Variants in NTM observed in about 807,000 individuals in gnomAD.
NTM encodes neurotrimin.
In NTM, 13 loss-of-function variants were observed where a neutral mutation model predicts 42.1. That is an observed-to-expected ratio of 0.31 (90% CI 0.20 to 0.49). The LOEUF (loss-of-function observed/expected upper bound fraction) is 0.49, where lower values mean the gene tolerates loss of function less well. Ranked by LOEUF, NTM falls within the 20% of genes least tolerant of loss-of-function variation. NTM has a pLI of 0.99. For synonymous variants in NTM, 187 were observed against 179.2 expected (o/e 1.04, Z -0.35); for missense variants, 373 against 452.8 (o/e 0.82, Z 1.60).
intron 1 of NTM, among the ~76,000 whole-genome samples, chr11:131,626,984 C>A (rs147703660): frequency 2.6e-5 from 4 of 152,302 alleles, no homozygotes; most frequent in Admixed American, 6.5e-5. Context: ...CCCTTTCACC[C>A]GCTGTAGGGT....
intron 1 of NTM, among the ~76,000 whole-genome samples, chr11:131,873,662 T>TAC (rs1201869848): frequency 8.5e-6 from 1 of 117,760 alleles, no homozygotes; most frequent in African/African-American, 3.3e-5. Flanking sequence ...CACATATATA[T>TAC]ACACATATAT....
rs575724709 is a variant in NTM, at chr11:131,879,006, G to T, written c.83-32558G>T. 5.9e-5 allele frequency among the ~76,000 whole-genome samples: 9 copies of T among 152,022 alleles called. No individual in the cohort carries two copies. In the South Asian group the frequency reaches 1.0e-3, roughly 18 times the overall value. On this transcript the variant is annotated intron_variant, in intron 1 of 8. Transcript: ENST00000683400. ...ATGTCAATACCACCTCCAATCCACG[G>T]AACTCACTCAGCTTTTGTCATCCAT...
chr11:132,278,256 G>T (rs1364559911), intron 4 of NTM, among the ~76,000 whole-genome samples: 1 of 152,198 alleles, frequency 6.6e-6, no homozygotes, highest in African/African-American at 2.4e-5. Flanking sequence ...ATTGTATTAT[G>T]CTCTCAGATA....
chr11:131,904,143 T>C (rs2137770726), intron 1 of NTM, among the ~76,000 whole-genome samples: 1 of 152,288 alleles, frequency 6.6e-6, no homozygotes, highest in Non-Finnish European at 1.5e-5. Flanking sequence ...TCATTAAAAT[T>C]TATTTTGTCT....
chr11:132,226,479 CAT>C (rs1290469562), intron 4 of NTM, among the ~76,000 whole-genome samples: 1 of 152,068 alleles, frequency 6.6e-6, no homozygotes, highest in Non-Finnish European at 1.5e-5. Flanking sequence ...AGGTTTTTTT[CAT>C]ATGTTTATTG....
At chr11:131,409,474 C>T (rs1168358384) in intron 1 of NTM, among the ~76,000 whole-genome samples, 1 of 152,166 alleles carries the variant, frequency 6.6e-6, no homozygotes, top group Non-Finnish European at 1.5e-5. Flanking sequence ...CTTCAGGTGT[C>T]TCTGCCCCCG....
intron 4 of NTM, among the ~76,000 whole-genome samples, chr11:132,281,760 A>T (rs1043663465): frequency 6.6e-6 from 1 of 152,336 alleles, no homozygotes; most frequent in East Asian, 1.9e-4. Context: ...GGTTAATTGC[A>T]TCATCTAGGA....
At chr11:131,629,956 A>G (rs1012888853) in intron 1 of NTM, among the ~76,000 whole-genome samples, 1 of 152,162 alleles carries the variant, frequency 6.6e-6, no homozygotes, top group South Asian at 2.1e-4. Context: ...GCTCCTCTGC[A>G]CCATCCCTGG....
intron 1 of NTM, among the ~76,000 whole-genome samples, chr11:131,436,382 G>A (rs903062154): frequency 6.6e-6 from 1 of 152,036 alleles, no homozygotes; most frequent in African/African-American, 2.4e-5. Context: ...TTGTACCTCC[G>A]GTAGGATTCG....
intron 1 of NTM, among the ~76,000 whole-genome samples, chr11:131,640,527 G>A: frequency 6.6e-6 from 1 of 152,042 alleles, no homozygotes; most frequent in East Asian, 1.9e-4. Flanking sequence ...TGCTAATGAG[G>A]CTGGCTCTAC....
intron 1 of NTM, chr11:131,546,742 G>T (rs1374620805): frequency 2.0e-5 from 3 of 152,310 alleles, no homozygotes; most frequent in Non-Finnish European, 4.4e-5. Flanking sequence ...TCTCTGCAAA[G>T]CTGCCCAGTG....
rs528629795 is a variant in NTM at position 131,760,008 on chromosome 11, G to C, written c.83-151556G>C. 9.9e-5 allele frequency among the ~76,000 whole-genome samples: 15 copies of C among 152,240 alleles called. No homozygotes were observed. The South Asian group carries it at 2.9e-3, about 29-fold the overall frequency. On this transcript the variant is annotated intron_variant, in intron 1 of 8. Transcript: ENST00000683400. The stretch of plus-strand genomic sequence containing the variant: ...AATTTTGAATTATTAAAGGAGGCTG[G>C]ATCACAACTCACCACTGAGAAATCG...
At chr11:132,104,793 T>C (rs1566171156) in intron 2 of NTM, among the ~76,000 whole-genome samples, 1 of 149,222 alleles carries the variant, frequency 6.7e-6, no homozygotes, top group African/African-American at 2.5e-5. Context: ...TAGTTCCAGC[T>C]ACCTAGGAGG....
intron 4 of NTM, among the ~76,000 whole-genome samples, chr11:132,252,180 TTTA>T (rs2092017623): frequency 8.8e-6 from 1 of 114,102 alleles, no homozygotes; most frequent in Non-Finnish European, 1.9e-5. Context: ...TTTCCTCATC[TTTA>T]TCTTAGCATT....
At chr11:131,514,491 G>A (rs1209016994) in intron 1 of NTM, among the ~76,000 whole-genome samples, 2 of 152,114 alleles carry the variant, frequency 1.3e-5, no homozygotes, top group Non-Finnish European at 2.9e-5. Flanking sequence ...CAAATCTTTA[G>A]GAAGGTGGAA....
In NTM at chr11:132,335,436, C is replaced by T. The variant is rs968150513; in HGVS notation, c.*290C>T. The T allele has an allele frequency of 2.6e-5, 9 of 352,360 alleles. No homozygotes were observed. The highest frequency in any genetic ancestry group is 6.5e-5 in the African/African-American group (3 of 46,458). The allele number at this position is 352,360 out of a possible 1,614,324, so 21.8% of individuals were successfully genotyped here. A position where few individuals can be genotyped will look rare whatever the true frequency, so the allele number is the denominator to read the frequency against. On this transcript the variant is annotated 3_prime_UTR_variant, in exon 9 of 9. Coordinates refer to ENST00000683400, the MANE Select transcript of NTM (RefSeq NM_001352005.2). ...GGCTTGGACCCACTGCAAGCTGCATCGTGCAACCTCTTTGGTGCCAGTGTG... is the reference window on the plus strand; with the variant it reads ...GGCTTGGACCCACTGCAAGCTGCATTGTGCAACCTCTTTGGTGCCAGTGTG...
chr11:131,896,351 G>A, intron 1 of NTM, among the ~76,000 whole-genome samples: 1 of 152,148 alleles, frequency 6.6e-6, no homozygotes, highest in East Asian at 1.9e-4. Context: ...TAATATAAAT[G>A]TAAAATAAAT....
At chr11:131,625,462 T>C (rs935482340) in intron 1 of NTM, among the ~76,000 whole-genome samples, 1 of 151,818 alleles carries the variant, frequency 6.6e-6, no homozygotes, top group African/African-American at 2.4e-5. Context: ...GGAGACTTCT[T>C]AGAGAAAGAA....
At chr11:131,959,466 A>G (rs936968777) in intron 2 of NTM, among the ~76,000 whole-genome samples, 2 of 152,040 alleles carry the variant, frequency 1.3e-5, no homozygotes, top group Non-Finnish European at 2.9e-5. Context: ...CATCTTTACA[A>G]AATAAAATAA....
Sources: allele counts gnomAD v4.1 joint callset (sites outside exome capture counted in the v4.1 genomes callset), GRCh38; gene constraint gnomAD v4.1.1; transcripts MANE v1.5; gene names NCBI Gene and HGNC (gene_info 2026-07-23, HGNC 2026-07-21).